The following RGL1 variants were observed in gnomAD, a reference collection of about 807,000 sequenced individuals.
RGL1 encodes ral guanine nucleotide dissociation stimulator like 1, also known as ral guanine nucleotide dissociation stimulator-like 1.
In RGL1, 24 loss-of-function variants were observed where a neutral mutation model predicts 95.2. The observed-to-expected ratio is 0.25, with a 90% confidence interval of 0.18 to 0.35. The LOEUF (loss-of-function observed/expected upper bound fraction) is 0.35, where lower values mean the gene tolerates loss of function less well. Among genes scored for constraint, RGL1 ranks in the 10% least tolerant of loss-of-function variants. The pLI is 1.00. For missense variants in RGL1, 715 were observed against 936.3 expected (o/e 0.76, Z 3.08); for synonymous variants, 329 against 344.9 (o/e 0.95, Z 0.51).
At chr1:183,874,630 T>C (rs1666380553) in intron 4 of RGL1, among the ~76,000 whole-genome samples, 1 of 152,108 alleles carries the variant, frequency 6.6e-6, no homozygotes, top group South Asian at 2.1e-4. Context: ...CAATCTCTCT[T>C]TCACGTCTCC....
rs1423993492 is a variant in RGL1, at chr1:183,823,132, C to A, written c.138+16647C>A. On this transcript the variant is annotated intron_variant, in intron 2 of 17. Coordinates refer to ENST00000360851, the MANE Select transcript of RGL1 (RefSeq NM_001297671.3). ...CTTAGAATGAACTGTATGAAATCAC[C>A]AGTTTTATAAGTTAAAAATGGTTAA... is the stretch of plus-strand genomic sequence containing the variant. Among the ~76,000 whole-genome samples the A allele has an allele frequency of 2.6e-5, 4 of 151,920 alleles. No homozygotes were observed. In the East Asian group the frequency reaches 7.7e-4, roughly 29 times the overall value.
intron 9 of RGL1, among the ~76,000 whole-genome samples, chr1:183,892,464 C>T (rs1247135493): frequency 6.6e-6 from 1 of 152,124 alleles, no homozygotes; most frequent in Non-Finnish European, 1.5e-5. Flanking sequence ...CAAGTGCTGG[C>T]AGTTAGGTGG....
At chr1:183,887,323 G>A (rs1225594252) in intron 7 of RGL1, among the ~76,000 whole-genome samples, 1 of 151,278 alleles carries the variant, frequency 6.6e-6, no homozygotes, top group East Asian at 1.9e-4. Flanking sequence ...AATGTTTGAG[G>A]GTTTGTTTGG....
intron 1 of RGL1, among the ~76,000 whole-genome samples, chr1:183,664,635 T>G (rs1229471177): frequency 6.6e-6 from 1 of 151,194 alleles, no homozygotes; most frequent in African/African-American, 2.5e-5. Flanking sequence ...CAAAATAAAA[T>G]AATTTCAAAT....
In RGL1 at chr1:183,838,991, G is replaced by A. The variant is rs182639881; in HGVS notation, c.139-8575G>A. ...CTTGATATGTTTGTATAATTAGAGG[G>A]AAGGTACATATGTCAGCACATATGT... On this transcript the variant is annotated intron_variant, in intron 2 of 17. Coordinates refer to ENST00000360851, the MANE Select transcript of RGL1 (RefSeq NM_001297671.3). 6.7e-4 allele frequency among the ~76,000 whole-genome samples: 102 copies of A among 152,270 alleles called. 1 individual carries two copies. Among genetic ancestry groups the A allele is most frequent in the Non-Finnish European group, 1.1e-3 (75 of 68,026 alleles).
chr1:183,870,763 T>G (rs901836137), intron 4 of RGL1, among the ~76,000 whole-genome samples: 23 of 152,198 alleles, frequency 1.5e-4, no homozygotes, highest in African/African-American at 5.3e-4. Context: ...AGTGAAACTG[T>G]CTTTATGAAT....
intron 14 of RGL1, among the ~76,000 whole-genome samples, chr1:183,910,216 C>T (rs1014552035): frequency 6.6e-6 from 1 of 152,182 alleles, no homozygotes; most frequent in African/African-American, 2.4e-5. Flanking sequence ...TGTGCTTCAG[C>T]TTCCCAAGTA....
At chr1:183,858,728 G>A (rs1176833569) in intron 3 of RGL1, among the ~76,000 whole-genome samples, 1 of 152,070 alleles carries the variant, frequency 6.6e-6, no homozygotes, top group East Asian at 1.9e-4. Flanking sequence ...TGATAATGCT[G>A]TCAGGCCCCT....
intron 3 of RGL1, among the ~76,000 whole-genome samples, chr1:183,850,876 C>T (rs1664788566): frequency 6.6e-6 from 1 of 152,160 alleles, no homozygotes; most frequent in Admixed American, 6.5e-5. Context: ...TTGGTAACCT[C>T]TTCTATTTAT....
intron 1 of RGL1, among the ~76,000 whole-genome samples, chr1:183,685,990 A>C (rs1229787507): frequency 6.6e-6 from 1 of 152,230 alleles, no homozygotes; most frequent in Admixed American, 6.5e-5. Context: ...TTTTTACGTT[A>C]TCAACACATA....
chr1:183,782,347 C>T (rs944483771), intron 2 of RGL1, among the ~76,000 whole-genome samples: 5 of 152,196 alleles, frequency 3.3e-5, no homozygotes. Flanking sequence ...TTTTTTGCTA[C>T]TTCTAAAGGA....
At chr1:183,822,687 G>A (rs949385055) in intron 2 of RGL1, among the ~76,000 whole-genome samples, 5 of 152,090 alleles carry the variant, frequency 3.3e-5, no homozygotes, top group African/African-American at 4.8e-5. Context: ...TATACTTATT[G>A]CAAACAATTT....
At chr1:183,880,905 C>G (rs1392319173) in intron 5 of RGL1, 105 bp downstream of exon 5, 2 of 976,678 alleles carry the variant, frequency 2.0e-6, no homozygotes, top group Non-Finnish European at 3.0e-6. Context: ...CCTTGGTACC[C>G]TCAAAACAAC....
At chr1:183,806,659 A>C (rs1572436250) in intron 2 of RGL1, among the ~76,000 whole-genome samples, 174 bp downstream of exon 2, 1 of 152,162 alleles carries the variant, frequency 6.6e-6, no homozygotes, top group East Asian at 1.9e-4. Context: ...TTTGTATTTA[A>C]TGTTTTCAAA....
intron 4 of RGL1, among the ~76,000 whole-genome samples, chr1:183,866,615 G>A (rs1665854869): frequency 1.3e-5 from 2 of 152,218 alleles, no homozygotes; most frequent in Non-Finnish European, 2.9e-5. Context: ...TAGGGGATGA[G>A]CACTGTGAGG....
At chr1:183,819,517 T>G (rs1289096637) in intron 2 of RGL1, among the ~76,000 whole-genome samples, 2 of 152,206 alleles carry the variant, frequency 1.3e-5, no homozygotes, top group African/African-American at 4.8e-5. Context: ...AATTTTCACT[T>G]TAGGCAAAAT....
At chr1:183,878,808 A>T (rs1053990794) in intron 4 of RGL1, among the ~76,000 whole-genome samples, 3 of 152,146 alleles carry the variant, frequency 2.0e-5, no homozygotes, top group African/African-American at 7.2e-5. Context: ...TTAGGCTGCT[A>T]CTGTTTTTGA....
At chr1:183,675,035 T>A (rs1004171163) in intron 1 of RGL1, among the ~76,000 whole-genome samples, 1 of 152,214 alleles carries the variant, frequency 6.6e-6, no homozygotes, top group South Asian at 2.1e-4. Context: ...CATCAATTTA[T>A]GAGCCAATCT....
At chr1:183,666,393 T>C (rs1652041888) in intron 1 of RGL1, among the ~76,000 whole-genome samples, 3 of 152,192 alleles carry the variant, frequency 2.0e-5, no homozygotes, top group Admixed American at 1.3e-4. Flanking sequence ...TTTTGAAACA[T>C]TGTATTTTCA....
Sources: gnomAD v4.1 joint callset for allele counts (sites outside exome capture counted in the v4.1 genomes callset) on GRCh38, gnomAD v4.1.1 for gene constraint, MANE v1.5 for transcripts, NCBI Gene and HGNC (gene_info 2026-07-23, HGNC 2026-07-21) for gene names.